The following ATP10D variants were observed in gnomAD, a reference collection of about 807,000 sequenced individuals.
ATP10D encodes the protein ATPase phospholipid transporting 10D (putative).
In ATP10D, 89 loss-of-function variants were observed where a neutral mutation model predicts 144.8. That is an observed-to-expected ratio of 0.61 (90% CI 0.52 to 0.73). The LOEUF is 0.73. Among genes scored for constraint, ATP10D ranks in the 30% least tolerant of loss-of-function variants. ATP10D has a pLI of 0.00. For synonymous variants in ATP10D, 571 were observed against 615.1 expected (o/e 0.93, Z 1.06); for missense variants, 1,603 against 1,714.8 (o/e 0.93, Z 1.15).
At chr4:47,565,393 C>G (rs1025921390) in intron 15 of ATP10D, among the ~76,000 whole-genome samples, 4 of 152,160 alleles carry the variant, frequency 2.6e-5, no homozygotes, top group African/African-American at 9.7e-5. Flanking sequence ...CAGCCAACTC[C>G]CAGTAGCTGC....
chr4:47,588,130 C>A (rs16860409), intron 22 of ATP10D, among the ~76,000 whole-genome samples: 6,753 of 152,154 alleles, frequency 0.044, 523 homozygotes, highest in African/African-American at 0.15. Context: ...GAACACTTTT[C>A]AACTTTCCTC....
intron 5 of ATP10D, among the ~76,000 whole-genome samples, chr4:47,527,137 T>C (rs1394822569): frequency 6.6e-6 from 1 of 152,126 alleles, no homozygotes; most frequent in Non-Finnish European, 1.5e-5. Flanking sequence ...TTATAGAGTC[T>C]AGAAATAGAC....
chr4:47,494,927 C>A (rs968042483), intron 1 of ATP10D, among the ~76,000 whole-genome samples: 2 of 152,074 alleles, frequency 1.3e-5, no homozygotes, highest in Admixed American at 6.6e-5. Context: ...AGAAGAGTCT[C>A]CCAAAACTAT....
chr4:47,535,091 C>T lies in ATP10D; in HGVS notation c.777-418C>T, dbSNP rs142017177. 8.7e-3 allele frequency among the ~76,000 whole-genome samples: 1,318 copies of T among 152,132 alleles called. 12 individuals carry two copies. Among genetic ancestry groups the T allele is most frequent in the African/African-American group, 0.03 (1,257 of 41,506 alleles). On this transcript the variant is annotated intron_variant, in intron 5 of 22. Transcript: ENST00000273859. ...GAAAACCAAATATGACATGTTCTCA[C>T]TTATAAGTGGGAGCTAAACATTTAG...
intron 2 of ATP10D, among the ~76,000 whole-genome samples, chr4:47,514,402 C>A (rs528693658): frequency 1.3e-5 from 2 of 152,064 alleles, no homozygotes; most frequent in South Asian, 4.2e-4. Flanking sequence ...GAATTGAAGC[C>A]ACAGAGTAGC....
chr4:47,538,101 C>T (rs974634643), intron 9 of ATP10D, among the ~76,000 whole-genome samples: 3 of 152,134 alleles, frequency 2.0e-5, no homozygotes, highest in African/African-American at 7.2e-5. Context: ...AATGAAGTTA[C>T]ACTTTTTAAT....
intron 10 of ATP10D, among the ~76,000 whole-genome samples, chr4:47,551,775 C>T (rs1409384516): frequency 6.6e-6 from 1 of 152,176 alleles, no homozygotes; most frequent in Non-Finnish European, 1.5e-5. Context: ...CCACCCATCA[C>T]TGACAAGAGA....
rs375731983 is a variant in ATP10D at position 47,536,977 on chromosome 4, G to T, written c.1396+39G>T. ...TTCCGTGAAAACCAACCTTAGCATT[G>T]GTCTTTTTTTGAAACCACTTAAGTG... On this transcript the variant is annotated intron_variant, in intron 9 of 22. Transcript: ENST00000273859. 2.0e-5 allele frequency: 31 copies of T among 1,554,258 alleles called. No individual in the cohort carries two copies. The African/African-American group carries it at 3.5e-4, about 17-fold the overall frequency.
intron 5 of ATP10D, among the ~76,000 whole-genome samples, chr4:47,528,629 G>GTGTTCTTA (rs1295688434): frequency 2.6e-5 from 4 of 151,910 alleles, no homozygotes; most frequent in Non-Finnish European, 5.9e-5. Flanking sequence ...AAGTGTGGGT[G>GTGTTCTTA]TGTTCTTAAT....
intron 15 of ATP10D, among the ~76,000 whole-genome samples, chr4:47,566,520 T>C (rs1267026556): frequency 6.6e-6 from 1 of 151,998 alleles, no homozygotes; most frequent in Non-Finnish European, 1.5e-5. Flanking sequence ...AGAAGATAAA[T>C]TATCTGTTTT....
In ATP10D at chr4:47,544,154, T is replaced by C. The variant is rs142886290; in HGVS notation, c.1397-2470T>C. Among the ~76,000 whole-genome samples the C allele has an allele frequency of 5.8e-3, 888 of 152,272 alleles. 16 individuals are homozygous for C. In the East Asian group the frequency reaches 0.064, roughly 11 times the overall value. On this transcript the variant is annotated intron_variant, in intron 9 of 22. Transcript: ENST00000273859. The stretch of plus-strand genomic sequence containing the variant: ...ACTAATTTGTACCATTTTTGTGAGA[T>C]GGGGCAAATTACTTAAGTTTATTTA...
chr4:47,494,983 A>G (rs1436873952), intron 1 of ATP10D, among the ~76,000 whole-genome samples: 1 of 152,240 alleles, frequency 6.6e-6, no homozygotes, highest in Non-Finnish European at 1.5e-5. Flanking sequence ...CCAGACATTT[A>G]TAAGGTAACT....
chr4:47,502,434 C>T (rs1360956754), intron 1 of ATP10D, among the ~76,000 whole-genome samples: 5 of 151,358 alleles, frequency 3.3e-5, no homozygotes, highest in African/African-American at 7.3e-5. Flanking sequence ...AGCGCCACTG[C>T]ACTCCAGCCT....
At chr4:47,566,473 T>C (rs1227210191) in intron 15 of ATP10D, among the ~76,000 whole-genome samples, 2 of 152,230 alleles carry the variant, frequency 1.3e-5, no homozygotes, top group Admixed American at 1.3e-4. Flanking sequence ...AGGCTTTCCA[T>C]ACCTGATCTC....
intron 3 of ATP10D, among the ~76,000 whole-genome samples, chr4:47,519,967 T>C (rs751555896): frequency 6.6e-6 from 1 of 152,212 alleles, no homozygotes; most frequent in Admixed American, 6.5e-5. Flanking sequence ...GAAAATTAGC[T>C]AGTGTTTTGT....
intron 21 of ATP10D, among the ~76,000 whole-genome samples, chr4:47,583,948 C>G (rs963359062): frequency 7.9e-5 from 12 of 152,160 alleles, no homozygotes; most frequent in African/African-American, 2.9e-4. Context: ...CCCCATTGTG[C>G]TCCAAGTCTA....
intron 20 of ATP10D, among the ~76,000 whole-genome samples, chr4:47,581,028 A>T (rs1046785852): frequency 6.6e-6 from 1 of 152,134 alleles, no homozygotes; most frequent in Non-Finnish European, 1.5e-5. Context: ...GCACCACTGC[A>T]CTCCAGCCTA....
intron 1 of ATP10D, among the ~76,000 whole-genome samples, chr4:47,487,198 C>T (rs1219260927): frequency 2.1e-5 from 3 of 143,454 alleles, no homozygotes; most frequent in East Asian, 2.0e-4. Context: ...CATTGCACTC[C>T]AGCCTGGGCA....
At chr4:47,526,397 A>G (rs1327375598) in intron 5 of ATP10D, among the ~76,000 whole-genome samples, 2 of 152,206 alleles carry the variant, frequency 1.3e-5, no homozygotes. Flanking sequence ...CCTGCAAACT[A>G]GAAGTAGAAG....
Sources: allele counts gnomAD v4.1 joint callset (sites outside exome capture counted in the v4.1 genomes callset), GRCh38; gene constraint gnomAD v4.1.1; transcripts MANE v1.5; gene names NCBI Gene and HGNC (gene_info 2026-07-23, HGNC 2026-07-21).